The following PALLD variants were observed in gnomAD, a reference collection of about 807,000 sequenced individuals.
PALLD encodes palladin.
In PALLD, 61 loss-of-function variants were observed where a neutral mutation model predicts 123.5. The ratio of observed to expected loss-of-function variants is 0.49; its 90% CI spans 0.40 to 0.61. The LOEUF is 0.61. PALLD is among the 20% of genes least tolerant of loss of function. The pLI is 0.00. For synonymous variants in PALLD, 465 were observed against 496.4 expected (o/e 0.94, Z 0.84); for missense variants, 1,273 against 1,377.0 (o/e 0.92, Z 1.20).
chr4:168,672,232 ATTTG>A (rs971206714), intron 3 of PALLD, among the ~76,000 whole-genome samples: 5 of 152,196 alleles, frequency 3.3e-5, no homozygotes, highest in East Asian at 3.8e-4. Flanking sequence ...AACATTTATC[ATTTG>A]TTTGTGTTGA....
chr4:168,645,689 G>A (rs1777379190), intron 2 of PALLD, among the ~76,000 whole-genome samples: 1 of 152,126 alleles, frequency 6.6e-6, no homozygotes, highest in African/African-American at 2.4e-5. Flanking sequence ...ACACTTATTC[G>A]ATGTTAGCTG....
chr4:168,672,152 A>G (rs1283026544), intron 3 of PALLD, among the ~76,000 whole-genome samples: 4 of 152,202 alleles, frequency 2.6e-5, no homozygotes, highest in Non-Finnish European at 4.4e-5. Flanking sequence ...TTCGTGGGGT[A>G]TGTGGTTATG....
intron 2 of PALLD, among the ~76,000 whole-genome samples, chr4:168,544,029 A>C (rs1018562887): frequency 1.3e-5 from 2 of 152,232 alleles, no homozygotes; most frequent in Non-Finnish European, 2.9e-5. Flanking sequence ...TTACTGCCTG[A>C]ATACTGAAAA....
chr4:168,525,582 A>T (rs1026877538), intron 2 of PALLD, among the ~76,000 whole-genome samples: 3 of 152,204 alleles, frequency 2.0e-5, no homozygotes, highest in African/African-American at 7.2e-5. Context: ...TTTCCAACCT[A>T]GATGCTAGAT....
At chr4:168,591,497 AT>A (rs1471812885) in intron 2 of PALLD, among the ~76,000 whole-genome samples, 2 of 152,310 alleles carry the variant, frequency 1.3e-5, no homozygotes, top group African/African-American at 4.8e-5. Flanking sequence ...AGTGCATAGT[AT>A]AACTCACACT....
chr4:168,697,345 G>A (rs1783229822), intron 8 of PALLD, among the ~76,000 whole-genome samples: 1 of 152,216 alleles, frequency 6.6e-6, no homozygotes, highest in Admixed American at 6.5e-5. Context: ...GTGGGGTACA[G>A]GAAGCAGGAG....
chr4:168,603,049 G>A (rs565781733), intron 2 of PALLD, among the ~76,000 whole-genome samples: 93 of 152,220 alleles, frequency 6.1e-4, no homozygotes, highest in African/African-American at 1.9e-3. Context: ...ATTATAATGT[G>A]AGCCATCATA....
At chr4:168,648,042 G>C (rs1393057769) in intron 2 of PALLD, 4 of 151,962 alleles carry the variant, frequency 2.6e-5, no homozygotes, top group Admixed American at 2.6e-4. Context: ...AGTTCTCTGG[G>C]ACTGTTGACA....
At chr4:168,893,342 C>G (rs1350028417) in intron 11 of PALLD, among the ~76,000 whole-genome samples, 1 of 152,222 alleles carries the variant, frequency 6.6e-6, no homozygotes, top group Non-Finnish European at 1.5e-5. Flanking sequence ...ACTCCTACCT[C>G]TGCCTCTTCT....
intron 14 of PALLD, among the ~76,000 whole-genome samples, chr4:168,899,818 G>A (rs1158946639): frequency 2.0e-5 from 3 of 151,964 alleles, no homozygotes; most frequent in African/African-American, 7.3e-5. Context: ...TTGGGAGGCT[G>A]AGGCAGGAGA....
chr4:168,631,999 T>C, intron 2 of PALLD: 1 of 717,444 alleles, frequency 1.4e-6, no homozygotes, highest in African/African-American at 1.9e-5. Flanking sequence ...GAGTACTGTT[T>C]GGGGTGTTTA....
intron 2 of PALLD, among the ~76,000 whole-genome samples, chr4:168,635,388 C>T (rs1278821156): frequency 6.6e-6 from 1 of 152,222 alleles, no homozygotes; most frequent in African/African-American, 2.4e-5. Context: ...TGAGACTAAG[C>T]AGCCATCTCC....
At chr4:168,623,763 C>A (rs1476522289) in intron 2 of PALLD, among the ~76,000 whole-genome samples, 1 of 152,130 alleles carries the variant, frequency 6.6e-6, no homozygotes, top group Non-Finnish European at 1.5e-5. Flanking sequence ...AGAAAAGGGG[C>A]ACTTTGTAAT....
chr4:168,676,867 C>A (rs1780904968), intron 3 of PALLD, among the ~76,000 whole-genome samples: 1 of 152,110 alleles, frequency 6.6e-6, no homozygotes, highest in Non-Finnish European at 1.5e-5. Flanking sequence ...GTGTGAGCCA[C>A]CGCGCCCAGC....
intron 2 of PALLD, among the ~76,000 whole-genome samples, chr4:168,528,911 A>C (rs1266323189): frequency 6.6e-6 from 1 of 152,174 alleles, no homozygotes; most frequent in Non-Finnish European, 1.5e-5. Context: ...AAGAATACCG[A>C]ATATCATGGA....
intron 10 of PALLD, among the ~76,000 whole-genome samples, chr4:168,825,932 C>T (rs1350753933): frequency 3.9e-5 from 6 of 152,154 alleles, no homozygotes; most frequent in African/African-American, 7.2e-5. Flanking sequence ...CTGGGATTAA[C>T]GTAAAATCTG....
chr4:168,706,778 C>A (rs781302673), intron 8 of PALLD, among the ~76,000 whole-genome samples: 3 of 152,024 alleles, frequency 2.0e-5, no homozygotes, highest in Non-Finnish European at 2.9e-5. Context: ...ATATTTGACC[C>A]AATAACACGA....
At chr4:168,806,203 T>TACAGG (rs1202244296) in intron 10 of PALLD, among the ~76,000 whole-genome samples, 4 of 152,202 alleles carry the variant, frequency 2.6e-5, no homozygotes, top group Non-Finnish European at 5.9e-5. Context: ...TAGCTGGGAT[T>TACAGG]ACAGGCTTGT....
At chr4:168,909,871 T>C (rs1001043181) in intron 15 of PALLD, among the ~76,000 whole-genome samples, 1 of 152,182 alleles carries the variant, frequency 6.6e-6, no homozygotes, top group Admixed American at 6.5e-5. Context: ...TGGGGGTTTT[T>C]TCCCCCAAAC....
Sources: allele counts gnomAD v4.1 joint callset (sites outside exome capture counted in the v4.1 genomes callset), GRCh38; gene constraint gnomAD v4.1.1; transcripts MANE v1.5; gene names NCBI Gene and HGNC (gene_info 2026-07-23, HGNC 2026-07-21).